TP63: variants seen among roughly 807,000 people sequenced by gnomAD.
The protein encoded by TP63 is tumor protein 63.
In TP63, 17 loss-of-function variants were observed where a neutral mutation model predicts 82.8. The ratio of observed to expected loss-of-function variants is 0.21; its 90% CI spans 0.14 to 0.31. The LOEUF is 0.31. TP63 is among the 10% of genes least tolerant of loss of function. The probability of loss-of-function intolerance (pLI) is 1.00; values close to 1 mark genes in which losing one functional copy is unlikely to be tolerated. For missense variants in TP63, 648 were observed against 895.3 expected (o/e 0.72, Z 3.52); for synonymous variants, 330 against 321.7 (o/e 1.03, Z -0.28).
intron 1 of TP63, among the ~76,000 whole-genome samples, chr3:189,685,708 A>G (rs747149174): frequency 2.0e-4 from 31 of 152,232 alleles, no homozygotes; most frequent in Non-Finnish European, 4.4e-4. Flanking sequence ...CTATAGAATT[A>G]GAAATTTGAT....
At chr3:189,643,565 C>T (rs1488294310) in intron 1 of TP63, among the ~76,000 whole-genome samples, 1 of 152,164 alleles carries the variant, frequency 6.6e-6, no homozygotes, top group Admixed American at 6.5e-5. Flanking sequence ...ATCAAGCCCT[C>T]CTCCATGAAC....
At chr3:189,671,130 A>G (rs1167042595) in intron 1 of TP63, among the ~76,000 whole-genome samples, 1 of 152,148 alleles carries the variant, frequency 6.6e-6, no homozygotes, top group Admixed American at 6.6e-5. Flanking sequence ...GAAAGTATAC[A>G]TCCGATAAAT....
chr3:189,634,883 T>G (rs1307602014), intron 1 of TP63, among the ~76,000 whole-genome samples: 3 of 152,062 alleles, frequency 2.0e-5, no homozygotes, highest in Non-Finnish European at 2.9e-5. Flanking sequence ...TGTTAATTTA[T>G]TGTTTGGGCT....
chr3:189,843,841 A>G (rs1042685598), intron 4 of TP63, among the ~76,000 whole-genome samples: 10 of 152,204 alleles, frequency 6.6e-5, no homozygotes, highest in African/African-American at 2.4e-4. Context: ...GCCAAACTCA[A>G]TGCCTCTTGG....
chr3:189,837,451 C>CAAATTAAGAAATTTTAAATTTAAATATT (rs1560238656), intron 4 of TP63, among the ~76,000 whole-genome samples: 3 of 148,604 alleles, frequency 2.0e-5, no homozygotes, highest in Non-Finnish European at 4.5e-5. Context: ...AATCCAATTT[C>CAAATTAAGAAATTTTAAATTTAAATATT]AAATTAAGAA....
chr3:189,842,311 A>G (rs778670238), intron 4 of TP63, among the ~76,000 whole-genome samples: 1 of 152,146 alleles, frequency 6.6e-6, no homozygotes, highest in Non-Finnish European at 1.5e-5. Context: ...CACCAATAAC[A>G]TCTTAAAGAG....
rs144060494 is a variant in TP63, at chr3:189,721,559, T to G, written c.63-16181T>G. Among the ~76,000 whole-genome samples the G allele has an allele frequency of 1.1e-3, 163 of 152,272 alleles. 1 individual carries two copies. The highest frequency in any genetic ancestry group is 3.6e-3 in the African/African-American group (149 of 41,556). On this transcript the variant is annotated intron_variant, in intron 1 of 13. Transcript: ENST00000264731. ...AACAAGAATCCTTGGGTTGCTCTGCTGAAGTGGGCGGCAGGAAAGTATAAT... is the reference window on the plus strand; with the variant it reads ...AACAAGAATCCTTGGGTTGCTCTGCGGAAGTGGGCGGCAGGAAAGTATAAT...
chr3:189,746,177 T>G (rs975071876), intron 3 of TP63, among the ~76,000 whole-genome samples: 2 of 151,946 alleles, frequency 1.3e-5, no homozygotes, highest in African/African-American at 4.8e-5. Flanking sequence ...AATAAAAGTT[T>G]TGTCACTTAT....
intron 1 of TP63, among the ~76,000 whole-genome samples, chr3:189,659,375 A>G (rs1449007015): frequency 6.6e-6 from 1 of 152,040 alleles, no homozygotes; most frequent in African/African-American, 2.4e-5. Flanking sequence ...TGTTGCTGCA[A>G]AGAAGATGAT....
At chr3:189,888,851 G>A (rs1720726574) in intron 11 of TP63, among the ~76,000 whole-genome samples, 1 of 152,122 alleles carries the variant, frequency 6.6e-6, no homozygotes, top group Non-Finnish European at 1.5e-5. Context: ...CCAAATAAAT[G>A]TTCCAAGGGT....
chr3:189,669,980 A>G (rs1007307896), intron 1 of TP63, among the ~76,000 whole-genome samples: 4 of 152,138 alleles, frequency 2.6e-5, no homozygotes, highest in East Asian at 3.9e-4. Flanking sequence ...AGTTTGTCCT[A>G]TTGAATTAAC....
intron 3 of TP63, among the ~76,000 whole-genome samples, chr3:189,747,619 A>G (rs955289322): frequency 3.3e-5 from 5 of 152,094 alleles, no homozygotes; most frequent in Non-Finnish European, 7.4e-5. Flanking sequence ...ATAAATGCCT[A>G]CACCAATAAG....
chr3:189,694,790 CTTTTTTTTTTTTTTTTTTT>C (rs71175304), intron 1 of TP63, among the ~76,000 whole-genome samples: 2 of 32,756 alleles, frequency 6.1e-5, no homozygotes, highest in Admixed American at 7.1e-4. Context: ...TATTTACAGC[CTTTTTTTTTTTTTTTTTTT>C]TTTTTTTTTT....
At chr3:189,676,249 TAA>T (rs1198765519) in intron 1 of TP63, among the ~76,000 whole-genome samples, 2 of 152,118 alleles carry the variant, frequency 1.3e-5, no homozygotes, top group East Asian at 3.9e-4. Flanking sequence ...TGCTGTACAT[TAA>T]GTCTCTGGAA....
chr3:189,675,158 T>C (rs1251784896), intron 1 of TP63, among the ~76,000 whole-genome samples: 1 of 152,072 alleles, frequency 6.6e-6, no homozygotes, highest in Non-Finnish European at 1.5e-5. Context: ...AGGGACTAAC[T>C]GGCTCTCTGG....
intron 1 of TP63, among the ~76,000 whole-genome samples, chr3:189,710,281 T>C (rs1718498822): frequency 6.6e-6 from 1 of 152,138 alleles, no homozygotes; most frequent in South Asian, 2.1e-4. Context: ...AAAATATAGC[T>C]GAAAGAGGCA....
chr3:189,739,029 C>G (rs1720794295), intron 3 of TP63: 1 of 527,678 alleles, frequency 1.9e-6, no homozygotes, highest in Admixed American at 3.2e-5. Flanking sequence ...TTGATTGTTC[C>G]TCATGTCAAC....
chr3:189,801,171 C>T (rs1389991511), intron 3 of TP63, among the ~76,000 whole-genome samples: 1 of 152,124 alleles, frequency 6.6e-6, no homozygotes. Flanking sequence ...GTATGCTTAA[C>T]ATAAAGATGG....
intron 3 of TP63, among the ~76,000 whole-genome samples, chr3:189,750,008 C>T (rs1204327280): frequency 1.3e-5 from 2 of 151,764 alleles, no homozygotes; most frequent in Non-Finnish European, 2.9e-5. Flanking sequence ...CCTATAGTCC[C>T]AGCTACTCAG....
Sources: allele counts gnomAD v4.1 joint callset (sites outside exome capture counted in the v4.1 genomes callset), GRCh38; gene constraint gnomAD v4.1.1; transcripts MANE v1.5; gene names NCBI Gene and HGNC (gene_info 2026-07-23, HGNC 2026-07-21).